FNDC3B: variants seen among roughly 807,000 people sequenced by gnomAD.
FNDC3B encodes fibronectin type III domain containing 3B.
FNDC3B carries 12 observed loss-of-function variants against 151.5 expected under a neutral mutation model. That is an observed-to-expected ratio of 0.08 (90% confidence interval 0.05 to 0.13). The LOEUF is 0.13. FNDC3B is among the 10% of genes least tolerant of loss of function. The pLI is 1.00. For synonymous variants in FNDC3B, 528 were observed against 549.0 expected, an observed-to-expected ratio of 0.96 and a Z score of 0.54; for missense variants, 1,214 against 1,505.3, an observed-to-expected ratio of 0.81 and a Z score of 3.20.
intron 6 of FNDC3B, 92 bp downstream of exon 6, chr3:172,251,633 C>A: frequency 7.9e-7 from 1 of 1,258,780 alleles, no homozygotes; most frequent in Non-Finnish European, 1.1e-6. Context: ...AATATTATTT[C>A]ATGGTGGTTG....
chr3:172,225,568 G>A (rs1285616824), intron 3 of FNDC3B: 2 of 162,574 alleles, frequency 1.2e-5, no homozygotes, highest in Admixed American at 6.2e-5. Context: ...TCATTTTGCT[G>A]TTGTCATCCA....
chr3:172,081,762 G>A (rs112007840), intron 1 of FNDC3B, among the ~76,000 whole-genome samples: 71 of 152,270 alleles, frequency 4.7e-4, no homozygotes, highest in African/African-American at 1.5e-3. Context: ...TTTGTCACTC[G>A]TCATACCTTT....
intron 23 of FNDC3B, among the ~76,000 whole-genome samples, chr3:172,365,607 C>G (rs952514909): frequency 7.2e-5 from 11 of 152,120 alleles, no homozygotes; most frequent in African/African-American, 2.7e-4. Flanking sequence ...ATTTTTCCCC[C>G]AGAATAGGAC....
intron 11 of FNDC3B, among the ~76,000 whole-genome samples, chr3:172,325,024 C>G (rs1428956743): frequency 6.6e-6 from 1 of 152,186 alleles, no homozygotes; most frequent in Non-Finnish European, 1.5e-5. Context: ...AAAGCTCTTA[C>G]TCTCCTCTGT....
At chr3:172,108,038 C>T (rs527685085) in intron 1 of FNDC3B, among the ~76,000 whole-genome samples, 38 of 152,002 alleles carry the variant, frequency 2.5e-4, no homozygotes, top group African/African-American at 8.0e-4. Flanking sequence ...CATGGTGGCA[C>T]GTGCCTGTAG....
At chr3:172,128,983 T>C (rs533302378) in intron 2 of FNDC3B, among the ~76,000 whole-genome samples, 2 of 152,300 alleles carry the variant, frequency 1.3e-5, no homozygotes, top group African/African-American at 4.8e-5. Flanking sequence ...GGAGCTTTTT[T>C]TTGGGAGACA....
intron 3 of FNDC3B, among the ~76,000 whole-genome samples, chr3:172,199,025 C>T (rs1207841297): frequency 1.3e-5 from 2 of 152,056 alleles, no homozygotes; most frequent in East Asian, 3.9e-4. Context: ...TACAGGGTCT[C>T]ACTTTGTTGC....
chr3:172,358,547 A>T (rs1523325), intron 22 of FNDC3B, among the ~76,000 whole-genome samples: 65,671 of 152,106 alleles, frequency 0.43, 14,786 homozygotes, highest in East Asian at 0.75. Context: ...GGGATCAGCA[A>T]GTTACTCATG....
intron 6 of FNDC3B, among the ~76,000 whole-genome samples, chr3:172,260,818 T>C (rs927881666): frequency 6.6e-6 from 1 of 152,156 alleles, no homozygotes; most frequent in Non-Finnish European, 1.5e-5. Context: ...GCTTTTTCCC[T>C]GTCACCTCTC....
intron 4 of FNDC3B, among the ~76,000 whole-genome samples, chr3:172,239,784 A>G (rs1207039637): frequency 6.7e-5 from 10 of 149,686 alleles, no homozygotes; most frequent in South Asian, 4.2e-4. Context: ...ACAAAAAAAA[A>G]AAAAAAGAAA....
intron 3 of FNDC3B, among the ~76,000 whole-genome samples, chr3:172,194,461 G>A (rs1359278007): frequency 2.0e-5 from 3 of 152,050 alleles, no homozygotes; most frequent in South Asian, 2.1e-4. Context: ...AAAATCCTTC[G>A]TACTCACTCC....
At chr3:172,249,441 T>G (rs1436227198) in intron 5 of FNDC3B, among the ~76,000 whole-genome samples, 1 of 152,184 alleles carries the variant, frequency 6.6e-6, no homozygotes, top group East Asian at 1.9e-4. Context: ...TGTATGCAAA[T>G]AAAAATGCCT....
At chr3:172,339,410 A>C (rs369466339) in intron 16 of FNDC3B, among the ~76,000 whole-genome samples, 1 of 152,082 alleles carries the variant, frequency 6.6e-6, no homozygotes, top group Non-Finnish European at 1.5e-5. Flanking sequence ...AAAAAATACA[A>C]AAATTAGCTG....
intron 23 of FNDC3B, among the ~76,000 whole-genome samples, chr3:172,367,930 CT>C (rs1734709570): frequency 6.6e-6 from 1 of 152,126 alleles, no homozygotes; most frequent in South Asian, 2.1e-4. Context: ...GCCCGGGACA[CT>C]TTTCCTTTTG....
At chr3:172,157,391 G>T (rs556169201) in intron 3 of FNDC3B, among the ~76,000 whole-genome samples, 2 of 152,112 alleles carry the variant, frequency 1.3e-5, no homozygotes, top group African/African-American at 4.8e-5. Context: ...TTGCCTCATG[G>T]TAACATCTTG....
chr3:172,309,336 C>T (rs73167271), intron 10 of FNDC3B, among the ~76,000 whole-genome samples: 21,140 of 152,182 alleles, frequency 0.14, 1,816 homozygotes, highest in South Asian at 0.29. Context: ...ATTACTTACA[C>T]AGGAGATAAG....
In FNDC3B at chr3:172,285,991, C is replaced by CT. The variant is rs1729988521; in HGVS notation, c.849+9dup. ...GGGAATAGAGAAACCACAGGTATGT[C>CT]TTCTGGATTTCTCAGCATAAATGAC... On this transcript the variant is annotated splice_region_variant and intron_variant, in intron 7 of 25. Transcript: ENST00000415807. The CT allele has an allele frequency of 5.6e-6, 9 of 1,597,636 alleles. No homozygotes were observed. Among genetic ancestry groups the CT allele is most frequent in the Non-Finnish European group, 7.7e-6 (9 of 1,168,522 alleles).
chr3:172,125,112 C>G (rs6774818), intron 2 of FNDC3B, among the ~76,000 whole-genome samples: 97,975 of 152,024 alleles, frequency 0.64, 32,155 homozygotes, highest in East Asian at 0.76. Flanking sequence ...AGCGAGATGG[C>G]ACTTGGTTTT....
At chr3:172,367,275 AT>A (rs3083932) in intron 23 of FNDC3B, among the ~76,000 whole-genome samples, 67,689 of 151,066 alleles carry the variant, frequency 0.45, 15,557 homozygotes, top group East Asian at 0.73. Context: ...TCAATCATCG[AT>A]TTTTTTTTTT....
Sources: allele counts gnomAD v4.1 joint callset (sites outside exome capture counted in the v4.1 genomes callset), GRCh38; gene constraint gnomAD v4.1.1; transcripts MANE v1.5; gene names NCBI Gene and HGNC (gene_info 2026-07-23, HGNC 2026-07-21).